The following SIAH2 variants were observed in gnomAD, a reference collection of about 807,000 sequenced individuals.
The protein encoded by SIAH2 is siah E3 ubiquitin protein ligase 2.
SIAH2 carries 4 observed loss-of-function variants against 20.4 expected under a neutral mutation model. That is an observed-to-expected ratio of 0.20 (90% confidence interval 0.10 to 0.45). The LOEUF (loss-of-function observed/expected upper bound fraction) is 0.45, where lower values mean the gene tolerates loss of function less well. Among genes scored for constraint, SIAH2 ranks in the 20% least tolerant of loss-of-function variants. The probability of loss-of-function intolerance (pLI) is 0.99; values close to 1 mark genes in which losing one functional copy is unlikely to be tolerated. For missense variants in SIAH2, 259 were observed against 440.3 expected, an observed-to-expected ratio of 0.59 and a Z score of 3.69; for synonymous variants, 171 against 192.5, an observed-to-expected ratio of 0.89 and a Z score of 0.93.
rs1009124613 is a variant in SIAH2, at chr3:150,762,754, G to A, written c.96C>T (p.Pro32=). The change falls in exon 1 of 2, where the codon CCC becomes CCT. Residue 32 remains proline (P), a synonymous_variant. Coordinates refer to ENST00000312960, the MANE Select transcript of SIAH2 (RefSeq NM_005067.7). The surrounding 1 kb of genome is among the most constrained non-coding windows in gnomAD (Gnocchi z 6.6). ...QPQHTPSPAA[P]PAAATISAAG... ...CAGCCGAGATGGTGGCGGCGGCCGG[G>A]GGCGCAGCCGGGGACGGAGTGTGCT... 1.7e-5 allele frequency: 20 copies of A among 1,185,972 alleles called. No individual in the cohort carries two copies. Among genetic ancestry groups the A allele is most frequent in the Non-Finnish European group, 2.0e-5 (19 of 951,354 alleles). 73.5% of individuals were successfully genotyped at this position (1,185,972 alleles called of 1,614,324 possible).
At chr3:150,761,871 A>T (rs1230229389) in intron 1 of SIAH2, 1 of 153,320 alleles carries the variant, frequency 6.5e-6, no homozygotes, top group Non-Finnish European at 1.5e-5. Context: ...GCTAGGAGAG[A>T]AAAAGGCGTG....
chr3:150,742,330 G>A lies in SIAH2; in HGVS notation c.786C>T (p.Ala262=), dbSNP rs540291043. 72 of 1,614,192 alleles carry A rather than the reference G, an allele frequency of 4.5e-5. No individual in the cohort carries two copies. The Middle Eastern group carries it at 6.6e-4, about 15-fold the overall frequency. ...IGTRKQAENF[A]YRLELNGNRR... The stretch of plus-strand genomic sequence containing the variant: ...GGTTCCCATTCAACTCCAGTCTGTA[G>A]GCAAAGTTCTCGGCTTGCTTGCGGG... The change falls in exon 2 of 2, where the codon GCC becomes GCT. Residue 262 remains alanine, a synonymous_variant. Transcript: ENST00000312960. This position sits in a 1 kb window ranked among gnomAD's most constrained non-coding sequence, Gnocchi z 4.8.
At chr3:150,749,996 C>T (rs1294001984) in intron 1 of SIAH2, among the ~76,000 whole-genome samples, 1 of 151,992 alleles carries the variant, frequency 6.6e-6, no homozygotes, top group Non-Finnish European at 1.5e-5. Context: ...GGGAGGTGAA[C>T]CTGGAAGTGG....
rs376903772 is a variant in SIAH2 at position 150,754,212 on chromosome 3, G to T, written c.417+8221C>A. On this transcript the variant is annotated intron_variant, in intron 1 of 1. Coordinates refer to ENST00000312960, the MANE Select transcript of SIAH2 (RefSeq NM_005067.7). ...ACTGAGTAAGTTATAAAGAAAAGAGGTTTAATTGGCTCACGGTTCTGCAAG... is the reference window on the plus strand; with the variant it reads ...ACTGAGTAAGTTATAAAGAAAAGAGTTTTAATTGGCTCACGGTTCTGCAAG... Among the ~76,000 whole-genome samples, 448 of 152,304 alleles carry T rather than the reference G, an allele frequency of 2.9e-3. 5 individuals carry two copies. The highest frequency in any genetic ancestry group is 0.01 in the African/African-American group (436 of 41,554).
At chr3:150,743,763 C>T (rs1714151907) in intron 1 of SIAH2, among the ~76,000 whole-genome samples, 2 of 152,116 alleles carry the variant, frequency 1.3e-5, no homozygotes, top group African/African-American at 4.8e-5. Context: ...AGTGTTAATT[C>T]CTAGATACCA....
In SIAH2 at chr3:150,742,097, A is replaced by G. The variant is rs769131735; in HGVS notation, c.*44T>C. Reference sequence around the variant, plus strand: ...ATCTATAAAAACCTTTATTAAACATAGAGCACTATGCCCAAATAATTTTGA... The same window carrying G: ...ATCTATAAAAACCTTTATTAAACATGGAGCACTATGCCCAAATAATTTTGA... On this transcript the variant is annotated 3_prime_UTR_variant, in exon 2 of 2. Transcript: ENST00000312960. This position sits in a 1 kb window ranked among gnomAD's most constrained non-coding sequence, Gnocchi z 4.8. 1.2e-5 allele frequency: 19 copies of G among 1,523,676 alleles called. No homozygotes were observed. In the Admixed American group the frequency reaches 2.8e-4, roughly 23 times the overall value. 94.4% of individuals were successfully genotyped at this position (1,523,676 alleles called of 1,614,324 possible). A position where few individuals can be genotyped will look rare whatever the true frequency, so the allele number is the denominator to read the frequency against.
At chr3:150,755,321 CCTTT>C (rs1403236860) in intron 1 of SIAH2, among the ~76,000 whole-genome samples, 4 of 138,066 alleles carry the variant, frequency 2.9e-5, no homozygotes, top group Non-Finnish European at 6.1e-5. Flanking sequence ...TCTTTTCTTC[CCTTT>C]TTTTTTTTTT....
chr3:150,762,839 G>C lies in SIAH2; in HGVS notation c.11C>G (p.Pro4Arg). 2 of 1,213,278 alleles carry C rather than the reference G, an allele frequency of 1.6e-6. No individual in the cohort carries two copies. Among genetic ancestry groups the C allele is most frequent in the Non-Finnish European group, 1.0e-6 (1 of 961,988 alleles). The allele number at this position is 1,213,278 out of a possible 1,614,324, so 75.2% of individuals were successfully genotyped here. Residue 4 changes from proline (P) to arginine (R), a missense_variant, in exon 1 of 2, where the codon CCG becomes CGG. Around this residue, in one of 2 missense-constraint regions of SIAH2, gnomAD observed 99 missense variants for 112.7 expected, o/e 0.88. Coordinates refer to ENST00000312960, the MANE Select transcript of SIAH2 (RefSeq NM_005067.7). The surrounding 1 kb of genome is among the most constrained non-coding windows in gnomAD (Gnocchi z 6.6). MSRPSSTGPSANKP... is the reference protein window; with the variant it reads MSRRSSTGPSANKP... ...ATTAGCGCTGGGGCCGGTGGAGGAC[G>C]GGCGGCTCATCGCGCTCCGAACCAA...
intron 1 of SIAH2, among the ~76,000 whole-genome samples, chr3:150,753,079 C>T (rs1346127845): frequency 8.5e-5 from 13 of 152,198 alleles, no homozygotes; most frequent in African/African-American, 2.7e-4. Flanking sequence ...ACAGGCAAAC[C>T]GCTGCGCACC....
chr3:150,744,071 T>A (rs1714159348), intron 1 of SIAH2, among the ~76,000 whole-genome samples: 1 of 151,690 alleles, frequency 6.6e-6, no homozygotes, highest in Non-Finnish European at 1.5e-5. Flanking sequence ...CTTTATAGAA[T>A]AATCCCCCTT....
intron 1 of SIAH2, among the ~76,000 whole-genome samples, chr3:150,758,423 T>G (rs1714530773): frequency 6.6e-6 from 1 of 152,086 alleles, no homozygotes; most frequent in Non-Finnish European, 1.5e-5. Context: ...TGTGTCAACC[T>G]TCACTTCTCC....
At chr3:150,750,021 G>T (rs6788895) in intron 1 of SIAH2, among the ~76,000 whole-genome samples, 27,624 of 152,078 alleles carry the variant, frequency 0.18, 5,445 homozygotes, top group African/African-American at 0.48. Context: ...AAGAGATATA[G>T]GAGCTCAACT....
At chr3:150,752,614 T>TA (rs879287754) in intron 1 of SIAH2, among the ~76,000 whole-genome samples, 148 of 147,376 alleles carry the variant, frequency 1.0e-3, no homozygotes, top group South Asian at 2.4e-3. Context: ...ATCTCAGTAT[T>TA]AAAAAAAAAA....
At chr3:150,759,747 A>G (rs913613912) in intron 1 of SIAH2, among the ~76,000 whole-genome samples, 11 of 152,160 alleles carry the variant, frequency 7.2e-5, no homozygotes, top group African/African-American at 2.6e-4. Flanking sequence ...TAACTGGCAG[A>G]TAGAGGGCAT....
chr3:150,763,096 C>T lies in SIAH2; in HGVS notation c.-247G>A, dbSNP rs1714666364. 1.0e-5 allele frequency: 2 copies of T among 195,088 alleles called. No individual in the cohort carries two copies. The highest frequency in any genetic ancestry group is 9.6e-6 in the Non-Finnish European group (1 of 103,900). 12.1% of individuals were successfully genotyped at this position (195,088 alleles called of 1,614,324 possible). On this transcript the variant is annotated 5_prime_UTR_variant, in exon 1 of 2. Coordinates refer to ENST00000312960, the MANE Select transcript of SIAH2 (RefSeq NM_005067.7). The surrounding 1 kb of genome is among the most constrained non-coding windows in gnomAD (Gnocchi z 4.1). ...CCGCGCGGTGCCCTCCTCCCGGCGG[C>T]GTCCCGGGCCCCGAACCCCAGCGGT... is the stretch of plus-strand genomic sequence containing the variant.
chr3:150,755,413 C>CT (rs1055347441), intron 1 of SIAH2, among the ~76,000 whole-genome samples: 5 of 142,802 alleles, frequency 3.5e-5, no homozygotes, highest in African/African-American at 1.3e-4. Flanking sequence ...TCACTGCAGC[C>CT]TGGACCTCCT....
intron 1 of SIAH2, among the ~76,000 whole-genome samples, chr3:150,754,501 G>A (rs1318095003): frequency 1.3e-5 from 2 of 152,020 alleles, no homozygotes; most frequent in African/African-American, 4.8e-5. Context: ...CCAACATTGG[G>A]GATTACAATT....
intron 1 of SIAH2, among the ~76,000 whole-genome samples, chr3:150,757,724 T>C (rs1337175147): frequency 6.6e-6 from 1 of 151,898 alleles, no homozygotes; most frequent in Admixed American, 6.6e-5. Context: ...CTCACACTTG[T>C]AATCCCAGCA....
intron 1 of SIAH2, among the ~76,000 whole-genome samples, chr3:150,759,686 C>CTTTTTT (rs1714562117): frequency 1.3e-5 from 2 of 151,156 alleles, no homozygotes; most frequent in East Asian, 3.9e-4. Flanking sequence ...CATGAGTTTC[C>CTTTTTT]TCATCTGAAA....
Sources: allele counts gnomAD v4.1 joint callset (sites outside exome capture counted in the v4.1 genomes callset), GRCh38; gene constraint gnomAD v4.1.1; regional missense constraint gnomAD v4.1.1; non-coding constraint Gnocchi (gnomAD v3.1); transcripts MANE v1.5; gene names NCBI Gene and HGNC (gene_info 2026-07-23, HGNC 2026-07-21).